The following SLC2A6 variants were observed in gnomAD, a reference collection of about 807,000 sequenced individuals.
SLC2A6 encodes the protein solute carrier family 2, facilitated glucose transporter member 6.
A neutral mutation model predicts 47.8 loss-of-function variants in SLC2A6; 39 were observed. The ratio of observed to expected loss-of-function variants is 0.82; its 90% CI spans 0.63 to 1.07. SLC2A6 has a LOEUF of 1.07. Ranked by LOEUF, SLC2A6 falls within the 50% of genes least tolerant of loss-of-function variation. The pLI, the probability that SLC2A6 is intolerant of heterozygous loss-of-function variation, is 0.00. For synonymous variants in SLC2A6, 346 were observed against 324.1 expected (o/e 1.07, Z -0.73); for missense variants, 650 against 707.6 (o/e 0.92, Z 0.92).
intron 8 of SLC2A6, 33 bp downstream of exon 8, chr9:133,473,382 C>G (rs1843807123): frequency 6.4e-7 from 1 of 1,554,502 alleles, no homozygotes; most frequent in African/African-American, 1.4e-5. Context: ...ACACCCAAGA[C>G]AGCCTGCCCC....
At chr9:133,473,849 C>A in intron 7 of SLC2A6, 131 bp downstream of exon 7, 1 of 828,636 alleles carries the variant, frequency 1.2e-6, no homozygotes, top group South Asian at 1.9e-5. Flanking sequence ...CAGGGCCCTG[C>A]CGATGCTAGG....
Position 133,477,163 on chromosome 9 carries a change from T to C in SLC2A6, c.334A>G (p.Ile112Val), listed in dbSNP as rs1365310762. Reference protein sequence around the residue: ...LNDLLGRKLSIMFSAVPSAAG... With the variant: ...LNDLLGRKLSVMFSAVPSAAG... ...GCCGACGGCACAGCTGAGAACATGA[T>C]GCTCAGCTTCCGGCCCAGGAGGTCG... The change falls in exon 3 of 10, where the codon ATC becomes GTC. Residue 112 changes from isoleucine (I) to valine (V), a missense_variant. Coordinates refer to ENST00000371899, the MANE Select transcript of SLC2A6 (RefSeq NM_017585.4). 3.9e-6 allele frequency: 6 copies of C among 1,550,322 alleles called. No individual in the cohort carries two copies. In the African/African-American group the frequency reaches 4.1e-5, roughly 11 times the overall value.
intron 1 of SLC2A6, chr9:133,478,630 T>C: frequency 3.3e-6 from 2 of 611,852 alleles, no homozygotes; most frequent in Non-Finnish European, 5.6e-6. Flanking sequence ...CCTCTGGTGC[T>C]GGGGCCTTTT....
intron 7 of SLC2A6, 31 bp from the exon 8 acceptor site, chr9:133,473,631 A>T (rs782260330): frequency 4.2e-5 from 62 of 1,488,622 alleles, no homozygotes; most frequent in Admixed American, 1.5e-4. Context: ...TCGTGGGGCC[A>T]GGACCCTCTG....
At chr9:133,478,874 CAG>C in intron 1 of SLC2A6, 92 bp downstream of exon 1, 3 of 1,157,608 alleles carry the variant, frequency 2.6e-6, no homozygotes, top group Non-Finnish European at 3.6e-6. Context: ...GCGACTAGGT[CAG>C]GGGAGGCCCA....
Position 133,471,658 on chromosome 9 carries a change from C to A in SLC2A6, c.*363G>T. 4.8e-6 allele frequency: 1 copy of A among 209,540 alleles called. No homozygotes were observed. The highest frequency in any genetic ancestry group is 2.3e-5 in the African/African-American group (1 of 43,598). 13.0% of individuals were successfully genotyped at this position (209,540 alleles called of 1,614,324 possible). A position where few individuals can be genotyped will look rare whatever the true frequency, so the allele number is the denominator to read the frequency against. On this transcript the variant is annotated 3_prime_UTR_variant, in exon 10 of 10. Coordinates refer to ENST00000371899, the MANE Select transcript of SLC2A6 (RefSeq NM_017585.4). The stretch of plus-strand genomic sequence containing the variant: ...TATGACTACGTTACTTGGCTGCCTC[C>A]AGCCCTGTCCTCTCAGTCCTCCCCG...
intron 2 of SLC2A6, 104 bp downstream of exon 2, chr9:133,478,149 TG>T: frequency 7.6e-7 from 1 of 1,310,566 alleles, no homozygotes; most frequent in Non-Finnish European, 1.1e-6. Context: ...ACCAGGGCCC[TG>T]GAGGGACCCC....
intron 3 of SLC2A6, 139 bp downstream of exon 3, chr9:133,476,896 A>G: frequency 1.1e-6 from 1 of 940,702 alleles, no homozygotes; most frequent in Non-Finnish European, 1.6e-6. Context: ...GGGTGAGCTG[A>G]GGCGCCCTGG....
At position 133,477,155 on chromosome 9, in the gene SLC2A6, G is replaced by C; in HGVS notation, c.342C>G (p.Phe114Leu). 1 of 1,550,366 alleles carries C rather than the reference G, an allele frequency of 6.5e-7. No individual in the cohort carries two copies. The highest frequency in any genetic ancestry group is 8.7e-7 in the Non-Finnish European group (1 of 1,146,946). The stretch of plus-strand genomic sequence containing the variant: ...AGCCGGCCGCCGACGGCACAGCTGA[G>C]AACATGATGCTCAGCTTCCGGCCCA... ...DLLGRKLSIM[F>L]SAVPSAAGYA... Residue 114 changes from phenylalanine to leucine, a missense_variant, in exon 3 of 10, where the codon TTC becomes TTG. Transcript: ENST00000371899.
chr9:133,478,327 G>C lies in SLC2A6; in HGVS notation c.182C>G (p.Pro61Arg). The C allele has an allele frequency of 6.2e-7, 1 of 1,614,122 alleles. No homozygotes were observed. The highest frequency in any genetic ancestry group is 8.5e-7 in the Non-Finnish European group (1 of 1,180,018). ...SFGYALVYTS[P>R]VIPALERSLD... ...GGAGCGCTCCAGGGCTGGGATGACA[G>C]GGGATGTGTAGACCAGGGCATACCC... The change falls in exon 2 of 10, where the codon CCT (proline) becomes CGT (arginine). Residue 61 changes from proline to arginine, a missense_variant. Pro to Arg is a moderately radical substitution (Grantham distance 103). Transcript: ENST00000371899.
intron 3 of SLC2A6, among the ~76,000 whole-genome samples, chr9:133,476,786 A>C (rs1395397156): frequency 1.3e-5 from 2 of 152,206 alleles, no homozygotes; most frequent in Non-Finnish European, 2.9e-5. Flanking sequence ...TGAGTAATAC[A>C]TCTGACCGGT....
At chr9:133,473,676 G>A in intron 7 of SLC2A6, 76 bp from the exon 8 acceptor site, 1 of 1,387,046 alleles carries the variant, frequency 7.2e-7, no homozygotes, top group Non-Finnish European at 9.6e-7. Context: ...CTTCTGCAGA[G>A]CCCCTTGATA....
At chr9:133,475,772 A>G (rs1843923020) in intron 4 of SLC2A6, among the ~76,000 whole-genome samples, 161 bp from the exon 5 acceptor site, 2 of 152,188 alleles carry the variant, frequency 1.3e-5, no homozygotes, top group African/African-American at 2.4e-5. Flanking sequence ...GGCTGCAGGG[A>G]TTGCTCAGCC....
Position 133,473,528 on chromosome 9 carries a change from T to C in SLC2A6, c.1109A>G (p.Asn370Ser), listed in dbSNP as rs1554802332. 6.3e-7 allele frequency: 1 copy of C among 1,589,508 alleles called. No homozygotes were observed. Among genetic ancestry groups the C allele is most frequent in the Non-Finnish European group, 8.5e-7 (1 of 1,169,938 alleles). The stretch of plus-strand genomic sequence containing the variant: ...CTCGCTTTCCAGGCCCGCAGTGCTG[T>C]TGGGGCTCAGAGGCCTGGGGCCAAA... ...IHFGPRPLSPNSTAGLESESW... is the reference protein window; with the variant it reads ...IHFGPRPLSPSSTAGLESESW... The change falls in exon 8 of 10, where the codon AAC (asparagine) becomes AGC (serine). Residue 370 changes from asparagine to serine, a missense_variant. By Grantham distance (46) the Asn-to-Ser change is conservative. Coordinates refer to ENST00000371899, the MANE Select transcript of SLC2A6 (RefSeq NM_017585.4).
At chr9:133,473,947 G>T in intron 7 of SLC2A6, 33 bp downstream of exon 7, 1 of 1,517,840 alleles carries the variant, frequency 6.6e-7, no homozygotes, top group Non-Finnish European at 9.0e-7. Context: ...ATGCGGAGGA[G>T]TGGGGCAGGA....
chr9:133,472,723 G>C (rs1173008221), intron 9 of SLC2A6, among the ~76,000 whole-genome samples: 2 of 152,156 alleles, frequency 1.3e-5, no homozygotes, highest in East Asian at 3.9e-4. Flanking sequence ...CAGGAGGCAG[G>C]GGGAGTGGGT....
chr9:133,471,755 T>A lies in SLC2A6; in HGVS notation c.*266A>T. ...CCTGAGGTCACCCAGCAGGGCCGTGTCCCTGGATGCAGGGTTGTATGCACT... is the reference window on the plus strand; with the variant it reads ...CCTGAGGTCACCCAGCAGGGCCGTGACCCTGGATGCAGGGTTGTATGCACT... On this transcript the variant is annotated 3_prime_UTR_variant, in exon 10 of 10. Transcript: ENST00000371899. 1 of 418,934 alleles carries A rather than the reference T, an allele frequency of 2.4e-6. No individual in the cohort carries two copies. Among genetic ancestry groups the A allele is most frequent in the Non-Finnish European group, 4.3e-6 (1 of 232,194 alleles). The allele number at this position is 418,934 out of a possible 1,614,324, so 26.0% of individuals were successfully genotyped here.
intron 3 of SLC2A6, 41 bp from the exon 4 acceptor site, chr9:133,476,377 C>G: frequency 6.3e-7 from 1 of 1,576,146 alleles, no homozygotes; most frequent in South Asian, 1.1e-5. Flanking sequence ...GCTGAAAATA[C>G]TGGTTCCTAG....
rs782292014 is a variant in SLC2A6, at chr9:133,478,921, G to A, written c.92+47C>T. 2.1e-5 allele frequency: 31 copies of A among 1,497,934 alleles called. No homozygotes were observed. The Admixed American group carries it at 2.4e-4, about 12-fold the overall frequency. 92.8% of individuals were successfully genotyped at this position (1,497,934 alleles called of 1,614,324 possible). A position where few individuals can be genotyped will look rare whatever the true frequency, so the allele number is the denominator to read the frequency against. ...CCTGCCGCCGGCTGGAGGGAACCAG[G>A]GCCACCCCCAGGCCCCACCCGCAGC... is the stretch of plus-strand genomic sequence containing the variant. On this transcript the variant is annotated intron_variant, in intron 1 of 9. Transcript: ENST00000371899.
Sources: gnomAD v4.1 joint callset for allele counts (sites outside exome capture counted in the v4.1 genomes callset) on GRCh38, gnomAD v4.1.1 for gene constraint, MANE v1.5 for transcripts, NCBI Gene and HGNC (gene_info 2026-07-23, HGNC 2026-07-21) for gene names.